Variants in SERPINA12 observed in about 807,000 individuals in gnomAD.
SERPINA12 encodes the protein serpin family A member 12, also known as serpin A12.
A neutral mutation model predicts 25.9 loss-of-function variants in SERPINA12; 21 were observed. The observed-to-expected ratio is 0.81, with a 90% confidence interval of 0.58 to 1.17. SERPINA12 has a LOEUF of 1.17. Among genes scored for constraint, SERPINA12 ranks in the 50% most tolerant of loss-of-function variants. SERPINA12 has a pLI of 0.00. For missense variants in SERPINA12, 562 were observed against 508.3 expected (o/e 1.11, Z -1.02); for synonymous variants, 220 against 196.0 (o/e 1.12, Z -1.02).
chr14:94,508,597 C>T (rs1198073832), intron 1 of SERPINA12, among the ~76,000 whole-genome samples: 1 of 152,134 alleles, frequency 6.6e-6, no homozygotes, highest in Non-Finnish European at 1.5e-5. Flanking sequence ...AAGTGTGATA[C>T]ACAAGCCAGA....
At chr14:94,494,465 A>T (rs1265730000) in intron 3 of SERPINA12, among the ~76,000 whole-genome samples, 1 of 152,178 alleles carries the variant, frequency 6.6e-6, no homozygotes, top group East Asian at 1.9e-4. Flanking sequence ...CTGGTTCTGA[A>T]TGCTTTCAAT....
In SERPINA12 at chr14:94,497,918, G is replaced by A. The variant is rs779410553; in HGVS notation, c.480C>T (p.Ala160=). 1.8e-5 allele frequency: 29 copies of A among 1,614,012 alleles called. No individual in the cohort carries two copies. The highest frequency in any genetic ancestry group is 1.6e-4 in the East Asian group (7 of 44,896). The change falls in exon 2 of 5, where the codon GCC becomes GCT. Residue 160 remains alanine, a synonymous_variant. Coordinates refer to ENST00000677451, the MANE Select transcript of SERPINA12 (RefSeq NM_001382267.1). The part of the protein sequence containing the change: ...FLEDAKNFYS[A]ETILTNFQNL... ...TCTGAAAGTTGGTAAGGATGGTTTCGGCACTGTAAAAGTTCTTGGCATCTT... is the reference window on the plus strand; with the variant it reads ...TCTGAAAGTTGGTAAGGATGGTTTCAGCACTGTAAAAGTTCTTGGCATCTT...
chr14:94,497,272 A>G (rs531494410), intron 2 of SERPINA12, among the ~76,000 whole-genome samples: 14 of 152,342 alleles, frequency 9.2e-5, no homozygotes, highest in Non-Finnish European at 1.9e-4. Flanking sequence ...TATAATACAT[A>G]CATAAGGAGA....
At chr14:94,490,886 C>T (rs917791482) in intron 3 of SERPINA12, among the ~76,000 whole-genome samples, 1 of 152,154 alleles carries the variant, frequency 6.6e-6, no homozygotes, top group African/African-American at 2.4e-5. Flanking sequence ...CCTCCTTCCC[C>T]ACCACTCCTG....
intron 1 of SERPINA12, among the ~76,000 whole-genome samples, chr14:94,504,802 G>A (rs1483785418): frequency 6.6e-6 from 1 of 152,168 alleles, no homozygotes; most frequent in Non-Finnish European, 1.5e-5. Flanking sequence ...ATGAGACTAT[G>A]GCTGAACTCT....
At chr14:94,497,567 C>A (rs954095112) in intron 2 of SERPINA12, among the ~76,000 whole-genome samples, 197 bp downstream of exon 2, 1 of 152,164 alleles carries the variant, frequency 6.6e-6, no homozygotes, top group Non-Finnish European at 1.5e-5. Flanking sequence ...ATTTCACATA[C>A]ATTTTCACTT....
chr14:94,496,599 C>A lies in SERPINA12; in HGVS notation c.679G>T (p.Asp227Tyr), dbSNP rs200726648. Residue 227 changes from aspartate (D) to tyrosine (Y), a missense_variant, in exon 3 of 5, where the codon GAT becomes TAT. Coordinates refer to ENST00000677451, the MANE Select transcript of SERPINA12 (RefSeq NM_001382267.1). ...EFDPNVTKEE[D>Y]FFLEKNSSVK... ...GAACTGTTTTTCTCCAGAAAGAAAT[C>A]TTCCTCTTTAGTTACATTTGGATCA... 8.4e-5 allele frequency: 135 copies of A among 1,613,890 alleles called. No homozygotes were observed. Among genetic ancestry groups the A allele is most frequent in the Non-Finnish European group, 1.1e-4 (132 of 1,179,918 alleles).
At chr14:94,506,887 G>A (rs1900946472) in intron 1 of SERPINA12, among the ~76,000 whole-genome samples, 1 of 152,190 alleles carries the variant, frequency 6.6e-6, no homozygotes, top group Admixed American at 6.5e-5. Flanking sequence ...GTCTTTTAAA[G>A]CATTCAGCCA....
Position 94,498,438 on chromosome 14 carries a change from C to A in SERPINA12, c.-33-8G>T. The A allele has an allele frequency of 1.3e-6, 2 of 1,576,490 alleles. No homozygotes were observed. Among genetic ancestry groups the A allele is most frequent in the Admixed American group, 1.9e-5 (1 of 53,196 alleles). ...TCCTGTTGAGTAGTAGACCTGAGGTCAGCAGAAAAAAAGAACATGATAACC... is the reference window on the plus strand; with the variant it reads ...TCCTGTTGAGTAGTAGACCTGAGGTAAGCAGAAAAAAAGAACATGATAACC... On this transcript the variant is annotated splice_region_variant and splice_polypyrimidine_tract_variant and intron_variant, in intron 1 of 4. Transcript: ENST00000677451.
chr14:94,513,801 G>A (rs999220695), upstream of SERPINA12, among the ~76,000 whole-genome samples: 35 of 152,222 alleles, frequency 2.3e-4, no homozygotes, highest in African/African-American at 8.0e-4. Flanking sequence ...AACTGCTATT[G>A]TCTTCCAGTG....
chr14:94,514,910 C>G (rs1901194307), intron 2 of SERPINA12, among the ~76,000 whole-genome samples: 1 of 152,158 alleles, frequency 6.6e-6, no homozygotes, highest in Admixed American at 6.5e-5. Context: ...AGTGGGAGAA[C>G]AGGCAATGAA....
At chr14:94,493,273 T>C (rs1022701) in intron 3 of SERPINA12, among the ~76,000 whole-genome samples, 5,730 of 152,246 alleles carry the variant, frequency 0.038, 379 homozygotes, top group African/African-American at 0.13. Flanking sequence ...TGAAATGTAA[T>C]TCCCTGGGGA....
At chr14:94,493,462 G>T (rs566435448) in intron 3 of SERPINA12, among the ~76,000 whole-genome samples, 1 of 152,284 alleles carries the variant, frequency 6.6e-6, no homozygotes, top group East Asian at 1.9e-4. Context: ...AAGTCAAGGA[G>T]ATGCGGAAAG....
intron 3 of SERPINA12, among the ~76,000 whole-genome samples, chr14:94,495,659 A>C (rs141123675): frequency 2.6e-5 from 4 of 152,244 alleles, no homozygotes; most frequent in African/African-American, 9.6e-5. Context: ...GACATCTGAC[A>C]CCTGTCCAAG....
intron 3 of SERPINA12, among the ~76,000 whole-genome samples, chr14:94,494,121 G>C (rs943311180): frequency 1.3e-5 from 2 of 152,192 alleles, no homozygotes; most frequent in African/African-American, 4.8e-5. Flanking sequence ...TCATATTCTG[G>C]AGTCCATGTC....
chr14:94,500,769 A>G (rs985406084), intron 1 of SERPINA12: 14 of 740,806 alleles, frequency 1.9e-5, no homozygotes, highest in African/African-American at 7.7e-5. Flanking sequence ...GGCTGGGTCC[A>G]TGGAAAAAGC....
intron 3 of SERPINA12, among the ~76,000 whole-genome samples, chr14:94,492,285 A>G (rs1900208965): frequency 6.6e-6 from 1 of 152,182 alleles, no homozygotes; most frequent in Non-Finnish European, 1.5e-5. Flanking sequence ...GAACAGAGGC[A>G]ACTGCTTCAT....
intron 1 of SERPINA12, among the ~76,000 whole-genome samples, chr14:94,505,416 G>A (rs1900896553): frequency 6.6e-6 from 1 of 152,196 alleles, no homozygotes; most frequent in Non-Finnish European, 1.5e-5. Flanking sequence ...CCCTCGCCCA[G>A]GCAGCAAGGC....
At chr14:94,503,200 G>C in intron 1 of SERPINA12, 1 of 984,346 alleles carries the variant, frequency 1.0e-6, no homozygotes, top group Non-Finnish European at 1.2e-6. Flanking sequence ...ACTAAGTGGT[G>C]GTAAGACATA....
Sources: allele counts gnomAD v4.1 joint callset (sites outside exome capture counted in the v4.1 genomes callset), GRCh38; gene constraint gnomAD v4.1.1; transcripts MANE v1.5; gene names NCBI Gene and HGNC (gene_info 2026-07-23, HGNC 2026-07-21).